The following UGT1A6 variants were observed in gnomAD, a reference collection of about 807,000 sequenced individuals.
UGT1A6 encodes UDP-glucuronosyltransferase 1A6.
UGT1A6 carries 32 observed loss-of-function variants against 44.4 expected under a neutral mutation model. The ratio of observed to expected loss-of-function variants is 0.72; its 90% CI spans 0.54 to 0.97. The LOEUF (loss-of-function observed/expected upper bound fraction) is 0.97. Among genes scored for constraint, UGT1A6 ranks in the 50% least tolerant of loss-of-function variants. The probability of loss-of-function intolerance (pLI) is 0.00; values close to 1 mark genes in which losing one functional copy is unlikely to be tolerated. For missense variants in UGT1A6, 685 were observed against 661.9 expected (o/e 1.03, Z -0.38); for synonymous variants, 238 against 248.5 (o/e 0.96, Z 0.40).
At position 233,728,248 on chromosome 2, in the gene UGT1A6, GA is replaced by G. The variant is rs150082316; in HGVS notation, c.861+34384del. ...ATCTTCAGGATGAAATAAAGGCCTGGATGACTGAAATAAAGACTGGAGCCTT... is the reference window on the plus strand; with the variant it reads ...ATCTTCAGGATGAAATAAAGGCCTGGTGACTGAAATAAAGACTGGAGCCTT... On this transcript the variant is annotated intron_variant, in intron 1 of 4. Transcript: ENST00000305139. 8.8e-3 allele frequency among the ~76,000 whole-genome samples: 1,334 copies of G among 152,284 alleles called. 20 individuals carry two copies. The highest frequency in any genetic ancestry group is 0.03 in the African/African-American group (1,244 of 41,558).
intron 1 of UGT1A6, among the ~76,000 whole-genome samples, chr2:233,762,910 G>A (rs1185953158): frequency 1.3e-5 from 2 of 152,074 alleles, no homozygotes; most frequent in Non-Finnish European, 2.9e-5. Flanking sequence ...CAGGGCTATT[G>A]AATTTATTAG....
At chr2:233,713,332 T>C in intron 1 of UGT1A6, 1 of 1,614,244 alleles carries the variant, frequency 6.2e-7, no homozygotes, top group Non-Finnish European at 8.5e-7. Flanking sequence ...TCTAGAAGAA[T>C]GGCAATTATG....
chr2:233,758,379 G>T (rs116011249), intron 1 of UGT1A6, among the ~76,000 whole-genome samples: 127 of 152,312 alleles, frequency 8.3e-4, no homozygotes, highest in African/African-American at 3.0e-3. Context: ...TTACAGTGGT[G>T]ACTTATGTGT....
At chr2:233,740,742 A>T (rs1322255847) in intron 1 of UGT1A6, 3 of 151,738 alleles carry the variant, frequency 2.0e-5, no homozygotes, top group African/African-American at 4.9e-5. Context: ...GCCCCCTTTT[A>T]CACTCTGAAA....
intron 1 of UGT1A6, chr2:233,713,468 G>A (rs1235260957): frequency 8.1e-6 from 13 of 1,613,904 alleles, no homozygotes; most frequent in East Asian, 4.5e-5. Context: ...TCTGCGCGGC[G>A]GTGCTGGCTA....
At chr2:233,754,805 AG>A (rs755746097) in intron 1 of UGT1A6, 241 of 1,294,792 alleles carry the variant, frequency 1.9e-4, no homozygotes, top group Non-Finnish European at 2.3e-4. Context: ...TATCAAAAGA[AG>A]AAAAACCACC....
At chr2:233,729,759 C>A in intron 1 of UGT1A6, 1 of 1,613,980 alleles carries the variant, frequency 6.2e-7, no homozygotes, top group Non-Finnish European at 8.5e-7. Context: ...TGCAAAGGGT[C>A]AAGAACATGC....
At chr2:233,747,972 G>T in intron 1 of UGT1A6, 1 of 1,613,464 alleles carries the variant, frequency 6.2e-7, no homozygotes, top group South Asian at 1.1e-5. Flanking sequence ...CCATGCATCT[G>T]TGTGGCTGTT....
chr2:233,749,225 A>AT, intron 1 of UGT1A6, among the ~76,000 whole-genome samples: 1 of 151,926 alleles, frequency 6.6e-6, no homozygotes, highest in Non-Finnish European at 1.5e-5. Flanking sequence ...TCTAAGCTTC[A>AT]TTTTTTAAAA....
intron 1 of UGT1A6, among the ~76,000 whole-genome samples, chr2:233,721,053 C>T (rs2076919169): frequency 6.6e-6 from 1 of 152,004 alleles, no homozygotes; most frequent in Admixed American, 6.6e-5. Flanking sequence ...CCTTTTTTGT[C>T]ATATTCACTG....
At chr2:233,756,429 T>C (rs2125943260) in intron 1 of UGT1A6, 1 of 152,364 alleles carries the variant, frequency 6.6e-6, no homozygotes, top group South Asian at 2.1e-4. Context: ...ACTGTTTTTT[T>C]TTCATTGTTG....
At chr2:233,695,523 CT>C (rs563990924) in intron 1 of UGT1A6, among the ~76,000 whole-genome samples, 59 of 151,370 alleles carry the variant, frequency 3.9e-4, no homozygotes, top group African/African-American at 1.4e-3. Flanking sequence ...AATTTTATTT[CT>C]TTTTTCTTTT....
upstream of UGT1A6, chr2:233,692,795 C>A: frequency 7.3e-7 from 1 of 1,377,212 alleles, no homozygotes; most frequent in Non-Finnish European, 9.4e-7. Flanking sequence ...TGAAAGCTGA[C>A]ACGGCCATAG....
intron 1 of UGT1A6, among the ~76,000 whole-genome samples, chr2:233,706,235 G>A (rs2075896552): frequency 6.6e-6 from 1 of 152,250 alleles, no homozygotes; most frequent in African/African-American, 2.4e-5. Flanking sequence ...GTGCAGCTGG[G>A]AGAGTGAGAG....
chr2:233,753,314 G>A (rs1425498826), intron 1 of UGT1A6: 1 of 152,252 alleles, frequency 6.6e-6, no homozygotes, highest in Non-Finnish European at 1.5e-5. Context: ...GTGCCCCTGT[G>A]GGATGGTGCC....
intron 1 of UGT1A6, chr2:233,718,636 G>T: frequency 6.8e-7 from 1 of 1,465,760 alleles, no homozygotes; most frequent in Non-Finnish European, 9.1e-7. Context: ...CTTTCCCAGG[G>T]TTGGGCCCAT....
chr2:233,698,451 T>A (rs190964166), intron 1 of UGT1A6, among the ~76,000 whole-genome samples: 37 of 152,294 alleles, frequency 2.4e-4, no homozygotes, highest in Admixed American at 2.1e-3. Flanking sequence ...TCACAGATCA[T>A]AGAAAATGAA....
intron 1 of UGT1A6, among the ~76,000 whole-genome samples, chr2:233,731,858 A>G (rs1373548311): frequency 6.6e-6 from 1 of 152,232 alleles, no homozygotes; most frequent in African/African-American, 2.4e-5. Context: ...AGGAATCGCC[A>G]CACTGTCTTC....
At chr2:233,750,007 A>G (rs1252051416) in intron 1 of UGT1A6, among the ~76,000 whole-genome samples, 1 of 151,886 alleles carries the variant, frequency 6.6e-6, no homozygotes, top group African/African-American at 2.4e-5. Flanking sequence ...AATTGGTGCC[A>G]TGGAGAGTGG....
Sources: gnomAD v4.1 joint callset for allele counts (sites outside exome capture counted in the v4.1 genomes callset) on GRCh38, gnomAD v4.1.1 for gene constraint, MANE v1.5 for transcripts, NCBI Gene and HGNC (gene_info 2026-07-23, HGNC 2026-07-21) for gene names.